Variants in SHC4 observed in about 807,000 individuals in gnomAD.
SHC4 encodes SHC-transforming protein 4.
A neutral mutation model predicts 69.4 loss-of-function variants in SHC4; 41 were observed. The observed-to-expected ratio is 0.59, with a 90% CI of 0.46 to 0.77. SHC4 has a LOEUF of 0.77. Among genes scored for constraint, SHC4 ranks in the 30% least tolerant of loss-of-function variants. The probability of loss-of-function intolerance (pLI) is 0.00; values close to 1 mark genes in which losing one functional copy is unlikely to be tolerated. For missense variants in SHC4, 777 were observed against 783.8 expected (o/e 0.99, Z 0.10); for synonymous variants, 318 against 299.3 (o/e 1.06, Z -0.64).
At chr15:48,912,913 C>T (rs1013419993) in intron 2 of SHC4, among the ~76,000 whole-genome samples, 2 of 149,076 alleles carry the variant, frequency 1.3e-5, no homozygotes, top group Non-Finnish European at 3.0e-5. Flanking sequence ...TTCTGGGGGT[C>T]GTCTGCACAG....
intron 2 of SHC4, among the ~76,000 whole-genome samples, chr15:48,923,327 G>T (rs1344898984): frequency 6.6e-6 from 1 of 152,158 alleles, no homozygotes; most frequent in East Asian, 1.9e-4. Context: ...AAGGCAGGTG[G>T]ATGACCTGAG....
intron 2 of SHC4, among the ~76,000 whole-genome samples, chr15:48,913,120 T>G (rs896362387): frequency 6.6e-5 from 10 of 151,648 alleles, no homozygotes; most frequent in Non-Finnish European, 1.5e-4. Context: ...TATAGTAGTA[T>G]AGAGAGGAGC....
intron 1 of SHC4, among the ~76,000 whole-genome samples, chr15:48,957,519 C>T (rs552083890): frequency 2.4e-4 from 36 of 152,272 alleles, no homozygotes; most frequent in African/African-American, 8.7e-4. Flanking sequence ...ATACCTTAGA[C>T]AGGAGAAGAC....
At chr15:48,918,622 T>C (rs1900677139) in intron 2 of SHC4, among the ~76,000 whole-genome samples, 1 of 152,212 alleles carries the variant, frequency 6.6e-6, no homozygotes, top group South Asian at 2.1e-4. Flanking sequence ...CTCATAGTCC[T>C]ATTTAGTTCA....
At chr15:48,955,379 T>A (rs1301706933) in intron 1 of SHC4, among the ~76,000 whole-genome samples, 1 of 152,178 alleles carries the variant, frequency 6.6e-6, no homozygotes, top group Non-Finnish European at 1.5e-5. Flanking sequence ...ACTCTCCTGG[T>A]GATGGAACTG....
At chr15:48,947,090 G>A (rs1245755544) in intron 1 of SHC4, 3 of 152,180 alleles carry the variant, frequency 2.0e-5, no homozygotes, top group Non-Finnish European at 4.4e-5. Flanking sequence ...ATTTCAAACT[G>A]TCAGTATTTC....
intron 1 of SHC4, among the ~76,000 whole-genome samples, chr15:48,938,684 A>G (rs1228569971): frequency 1.4e-5 from 2 of 147,804 alleles, no homozygotes; most frequent in African/African-American, 5.0e-5. Context: ...GCTGAGTGAG[A>G]ATAACATACA....
chr15:48,896,392 C>G (rs983400588), intron 2 of SHC4, among the ~76,000 whole-genome samples: 5 of 151,302 alleles, frequency 3.3e-5, no homozygotes, highest in Non-Finnish European at 5.9e-5. Context: ...ATGATCTCAG[C>G]TCACTGCAAC....
chr15:48,832,887 T>A (rs1308925289), intron 11 of SHC4, among the ~76,000 whole-genome samples: 2 of 152,128 alleles, frequency 1.3e-5, no homozygotes, highest in African/African-American at 4.8e-5. Context: ...GGTCCAAAAT[T>A]TCTGTCTGCC....
At chr15:48,902,377 A>G (rs1900333346) in intron 2 of SHC4, among the ~76,000 whole-genome samples, 1 of 152,188 alleles carries the variant, frequency 6.6e-6, no homozygotes, top group South Asian at 2.1e-4. Flanking sequence ...AAGGCAGAAT[A>G]CATGTCTGGC....
At chr15:48,910,534 G>T (rs183312217) in intron 2 of SHC4, among the ~76,000 whole-genome samples, 6 of 151,668 alleles carry the variant, frequency 4.0e-5, no homozygotes, top group African/African-American at 9.6e-5. Flanking sequence ...TTTTGTATTG[G>T]TTTTTTTGTT....
chr15:48,893,979 T>C (rs1449406195), intron 2 of SHC4, among the ~76,000 whole-genome samples: 2 of 152,186 alleles, frequency 1.3e-5, no homozygotes, highest in African/African-American at 2.4e-5. Context: ...AATAACTTAT[T>C]ACAAACTTCG....
In SHC4 at chr15:48,859,601, A is replaced by G. The variant is rs118015342; in HGVS notation, c.947-1786T>C. Among the ~76,000 whole-genome samples the G allele has an allele frequency of 3.7e-4, 56 of 152,320 alleles. 3 individuals carry two copies. In the East Asian group the frequency reaches 0.011, roughly 29 times the overall value. ...TAGCTTTACTTAGTGACCAACAGAT[A>G]GAAAATGCTCTAAACATATTTGTTG... On this transcript the variant is annotated intron_variant, in intron 6 of 11. Coordinates refer to ENST00000332408, the MANE Select transcript of SHC4 (RefSeq NM_203349.4).
At position 48,962,757 on chromosome 15, in the gene SHC4, T is replaced by C. The variant is rs1170925602; in HGVS notation, c.259A>G (p.Ile87Val). The stretch of plus-strand genomic sequence containing the variant: ...AGCTTCATGCTTGCCATGCGGGGGA[T>C]CAAGGTGCACAGTGGGGTGGGGCTC... Reference protein sequence around the residue: ...QESPTPLCTLIPRMASMKLAN... With the variant: ...QESPTPLCTLVPRMASMKLAN... The change falls in exon 1 of 12, where the codon ATC becomes GTC. Residue 87 changes from isoleucine (I) to valine (V), a missense_variant. Physicochemically the swap from Ile to Val is conservative, Grantham distance 29 (BLOSUM62 3). Coordinates refer to ENST00000332408, the MANE Select transcript of SHC4 (RefSeq NM_203349.4). 7 of 1,612,872 alleles carry C rather than the reference T, an allele frequency of 4.3e-6. No individual in the cohort carries two copies. Among genetic ancestry groups the C allele is most frequent in the Non-Finnish European group, 5.9e-6 (7 of 1,179,972 alleles).
chr15:48,832,718 T>C (rs896829587), intron 11 of SHC4, among the ~76,000 whole-genome samples: 2 of 152,164 alleles, frequency 1.3e-5, no homozygotes, highest in African/African-American at 4.8e-5. Context: ...TCCCTTAGGC[T>C]TTCTTCACTT....
intron 5 of SHC4, 130 bp downstream of exon 5, chr15:48,871,959 T>C: frequency 1.6e-6 from 1 of 620,924 alleles, no homozygotes; most frequent in Non-Finnish European, 2.9e-6. Context: ...ACTGTAATAG[T>C]ATGTTAGGAA....
At chr15:48,877,446 C>T (rs1899828820) in intron 4 of SHC4, 1 of 981,144 alleles carries the variant, frequency 1.0e-6, no homozygotes, top group Non-Finnish European at 1.2e-6. Context: ...AAACCTGAGG[C>T]TTTTAAGTTG....
At chr15:48,896,359 C>T (rs970910977) in intron 2 of SHC4, among the ~76,000 whole-genome samples, 66 of 147,148 alleles carry the variant, frequency 4.5e-4, no homozygotes, top group African/African-American at 1.6e-3. Flanking sequence ...CTCACTCTGT[C>T]GGCCAGGCTG....
chr15:48,905,620 G>A (rs1900393784), intron 2 of SHC4, among the ~76,000 whole-genome samples: 1 of 152,220 alleles, frequency 6.6e-6, no homozygotes, highest in African/African-American at 2.4e-5. Context: ...TCTGCATGAT[G>A]AAGAAGGCCT....
Sources: allele counts gnomAD v4.1 joint callset (sites outside exome capture counted in the v4.1 genomes callset), GRCh38; gene constraint gnomAD v4.1.1; transcripts MANE v1.5; gene names NCBI Gene and HGNC (gene_info 2026-07-23, HGNC 2026-07-21).